Variants in ICA1 observed in about 807,000 individuals in gnomAD.
The protein encoded by ICA1 is 69 kDa islet cell autoantigen.
Under a neutral mutation model 71.0 loss-of-function variants are expected in ICA1, and 40 were observed. That is an observed-to-expected ratio of 0.56 (90% confidence interval 0.44 to 0.73). The LOEUF (loss-of-function observed/expected upper bound fraction) is 0.73, where lower values mean the gene tolerates loss of function less well. Among genes scored for constraint, ICA1 ranks in the 30% least tolerant of loss-of-function variants. The pLI is 0.00. For missense variants in ICA1, 578 were observed against 576.5 expected (o/e 1.00, Z -0.03); for synonymous variants, 207 against 209.5 (o/e 0.99, Z 0.10).
intron 8 of ICA1, among the ~76,000 whole-genome samples, chr7:8,153,334 G>A (rs535090871): frequency 6.6e-6 from 1 of 152,152 alleles, no homozygotes; most frequent in Admixed American, 6.5e-5. Flanking sequence ...TACAAATGCA[G>A]GAGGACAGGC....
chr7:8,133,199 T>C (rs112395738), intron 12 of ICA1, among the ~76,000 whole-genome samples: 134 of 152,278 alleles, frequency 8.8e-4, no homozygotes, highest in African/African-American at 3.1e-3. Context: ...TAAGCCGCCT[T>C]AGGACTCAGC....
intron 6 of ICA1, among the ~76,000 whole-genome samples, chr7:8,208,358 T>G (rs1290826012): frequency 6.6e-6 from 1 of 152,172 alleles, no homozygotes; most frequent in Non-Finnish European, 1.5e-5. Flanking sequence ...TGTTTGAAAT[T>G]TAAATAAAAC....
chr7:8,185,863 G>C (rs1218003135), intron 6 of ICA1, among the ~76,000 whole-genome samples: 1 of 152,200 alleles, frequency 6.6e-6, no homozygotes, highest in Non-Finnish European at 1.5e-5. Context: ...TGCATAGTAA[G>C]CACTCAAGAA....
chr7:8,198,620 G>A (rs956686856), intron 6 of ICA1, among the ~76,000 whole-genome samples: 2 of 152,208 alleles, frequency 1.3e-5, no homozygotes, highest in African/African-American at 4.8e-5. Flanking sequence ...GCCTGAACAA[G>A]AGCCGAGATG....
chr7:8,224,559 C>T (rs1056871839), intron 4 of ICA1, among the ~76,000 whole-genome samples: 1 of 152,162 alleles, frequency 6.6e-6, no homozygotes, highest in African/African-American at 2.4e-5. Flanking sequence ...CTAGTACTTA[C>T]TCTTCCCTAG....
intron 1 of ICA1, among the ~76,000 whole-genome samples, chr7:8,245,755 G>T (rs78838186): frequency 0.02 from 3,083 of 151,664 alleles, 98 homozygotes; most frequent in African/African-American, 0.069. Context: ...AATATAGTAT[G>T]TTATACTTTC....
intron 13 of ICA1, among the ~76,000 whole-genome samples, chr7:8,124,111 ATTTTTT>A (rs536582712): frequency 2.0e-4 from 21 of 107,440 alleles, no homozygotes; most frequent in African/African-American, 8.6e-4. Context: ...GAATCATACA[ATTTTTT>A]TTTTTTTTTT....
rs570114648 is a variant in ICA1, at chr7:8,198,411, T to G, written c.579+19894A>C. On this transcript the variant is annotated intron_variant, in intron 6 of 13. Coordinates refer to ENST00000402384, the MANE Select transcript of ICA1 (RefSeq NM_001136020.3). Reference sequence around the variant, plus strand: ...AATAGTGTGAATTAAAACCCTAGATTTGGACCAGAGTGAAACCACAGAGGG... The same window carrying G: ...AATAGTGTGAATTAAAACCCTAGATGTGGACCAGAGTGAAACCACAGAGGG... Among the ~76,000 whole-genome samples, 46 of 152,308 alleles carry G rather than the reference T, an allele frequency of 3.0e-4. 1 individual carries two copies. The South Asian group carries it at 9.5e-3, about 32-fold the overall frequency.
intron 13 of ICA1, among the ~76,000 whole-genome samples, chr7:8,124,124 T>A (rs1039780435): frequency 0.013 from 1,906 of 143,782 alleles, 59 homozygotes; most frequent in African/African-American, 0.046. Flanking sequence ...TTTTTTTTTT[T>A]TTTTTTTTTT....
intron 13 of ICA1, among the ~76,000 whole-genome samples, chr7:8,121,768 G>A (rs1458847419): frequency 6.6e-6 from 1 of 152,202 alleles, no homozygotes; most frequent in Non-Finnish European, 1.5e-5. Context: ...TGGAATGTGT[G>A]TAACACCAAG....
chr7:8,127,845 A>T, intron 13 of ICA1, 28 bp downstream of exon 13: 1 of 1,555,578 alleles, frequency 6.4e-7, no homozygotes, highest in Non-Finnish European at 8.7e-7. Flanking sequence ...CAAACAAAAA[A>T]CCCCATTTCA....
At chr7:8,261,253 T>C (rs1265414005) in intron 1 of ICA1, among the ~76,000 whole-genome samples, 1 of 152,156 alleles carries the variant, frequency 6.6e-6, no homozygotes, top group African/African-American at 2.4e-5. Flanking sequence ...CGCGATACTT[T>C]TAAGACCCCA....
intron 12 of ICA1, among the ~76,000 whole-genome samples, chr7:8,133,778 T>TTC (rs1206868648): frequency 5.3e-5 from 8 of 152,040 alleles, no homozygotes; most frequent in Admixed American, 5.2e-4. Context: ...TTGGCAAAAC[T>TTC]TCTCTACTTG....
At chr7:8,198,604 C>T (rs1298422287) in intron 6 of ICA1, among the ~76,000 whole-genome samples, 1 of 152,128 alleles carries the variant, frequency 6.6e-6, no homozygotes, top group Non-Finnish European at 1.5e-5. Flanking sequence ...AGGCGAGCGT[C>T]ATAAGGCCTG....
chr7:8,192,298 T>C (rs1386197894), intron 6 of ICA1, among the ~76,000 whole-genome samples: 1 of 152,230 alleles, frequency 6.6e-6, no homozygotes, highest in African/African-American at 2.4e-5. Context: ...CCTGGGTCTG[T>C]CTTTTTTCAG....
chr7:8,210,555 T>C (rs1793324262), intron 6 of ICA1, among the ~76,000 whole-genome samples: 1 of 152,110 alleles, frequency 6.6e-6, no homozygotes, highest in African/African-American at 2.4e-5. Flanking sequence ...CACTATATAA[T>C]TTCCTAGCCT....
intron 13 of ICA1, among the ~76,000 whole-genome samples, chr7:8,119,836 A>C (rs1786173209): frequency 6.6e-6 from 1 of 152,236 alleles, no homozygotes; most frequent in Non-Finnish European, 1.5e-5. Context: ...ACAGAGTAAG[A>C]ATGCATCTCA....
chr7:8,174,770 A>AAAAAACAAAAAACC (rs1780004871), intron 6 of ICA1, among the ~76,000 whole-genome samples: 1 of 37,300 alleles, frequency 2.7e-5, no homozygotes, highest in African/African-American at 8.1e-5. Flanking sequence ...AAAAAAAAAA[A>AAAAAACAAAAAACC]AAAAAAAAAC....
At chr7:8,142,165 C>T (rs545519601) in intron 9 of ICA1, 1 of 475,650 alleles carries the variant, frequency 2.1e-6, no homozygotes, top group Admixed American at 3.4e-5. Context: ...GAATCCATTT[C>T]TTCTGATTCC....
Sources: gnomAD v4.1 joint callset for allele counts (sites outside exome capture counted in the v4.1 genomes callset) on GRCh38, gnomAD v4.1.1 for gene constraint, MANE v1.5 for transcripts, NCBI Gene and HGNC (gene_info 2026-07-23, HGNC 2026-07-21) for gene names.